The following CYP4V2 variants were observed in gnomAD, a reference collection of about 807,000 sequenced individuals.
CYP4V2 encodes the protein cytochrome P450 family 4 subfamily V member 2, also known as cytochrome P450 4V2.
Under a neutral mutation model 60.8 loss-of-function variants are expected in CYP4V2, and 55 were observed. The observed-to-expected ratio is 0.90, with a 90% confidence interval of 0.73 to 1.13. The LOEUF (loss-of-function observed/expected upper bound fraction) is 1.13. Among genes scored for constraint, CYP4V2 ranks in the 50% most tolerant of loss-of-function variants. The pLI is 0.00. For missense variants in CYP4V2, 675 were observed against 662.9 expected (o/e 1.02, Z -0.20); for synonymous variants, 239 against 236.8 (o/e 1.01, Z -0.08).
chr4:186,205,057 A>C (rs1421440642), intron 7 of CYP4V2, 143 bp from the exon 8 acceptor site: 2 of 804,196 alleles, frequency 2.5e-6, no homozygotes, highest in East Asian at 5.3e-5. Flanking sequence ...CACCGAGGCA[A>C]GGTGCTGCAC....
chr4:186,201,969 G>A (rs1736317975), intron 7 of CYP4V2: 1 of 152,472 alleles, frequency 6.6e-6, no homozygotes, highest in Non-Finnish European at 1.5e-5. Context: ...TCGTCCACAT[G>A]GGGCAGAGTG....
intron 1 of CYP4V2, among the ~76,000 whole-genome samples, chr4:186,192,691 A>G (rs1412927539): frequency 6.6e-6 from 1 of 152,196 alleles, no homozygotes; most frequent in Non-Finnish European, 1.5e-5. Context: ...TTATTGATGG[A>G]AAAAAATCAC....
intron 5 of CYP4V2, among the ~76,000 whole-genome samples, chr4:186,198,024 G>A (rs1004697703): frequency 1.3e-5 from 2 of 152,034 alleles, no homozygotes; most frequent in African/African-American, 2.4e-5. Flanking sequence ...TCCTTTTGTT[G>A]TTATTCTTCT....
At position 186,191,698 on chromosome 4, in the gene CYP4V2, C is replaced by CCCGCAGCGGGGAGCGCGCCAGGT; in HGVS notation, c.-121_-99dup. On this transcript the variant is annotated 5_prime_UTR_variant, in exon 1 of 11. Coordinates refer to ENST00000378802, the MANE Select transcript of CYP4V2 (RefSeq NM_207352.4). Reference sequence around the variant, plus strand: ...AACGTCGTTCCGGGGACCGGGCGACCCCGCAGCGGGGAGCGCGCCAGGTCC... The same window carrying CCCGCAGCGGGGAGCGCGCCAGGT: ...AACGTCGTTCCGGGGACCGGGCGACCCCGCAGCGGGGAGCGCGCCAGGTCCGCAGCGGGGAGCGCGCCAGGTCC... 1 of 935,660 alleles carries CCCGCAGCGGGGAGCGCGCCAGGT rather than the reference C, an allele frequency of 1.1e-6. No homozygotes were observed. Among genetic ancestry groups the CCCGCAGCGGGGAGCGCGCCAGGT allele is most frequent in the Non-Finnish European group, 1.4e-6 (1 of 722,244 alleles). The allele number at this position is 935,660 out of a possible 1,614,324, so 58.0% of individuals were successfully genotyped here. A position where few individuals can be genotyped will look rare whatever the true frequency, so the allele number is the denominator to read the frequency against.
At chr4:186,201,909 G>C (rs1736317248) in intron 7 of CYP4V2, 1 of 152,612 alleles carries the variant, frequency 6.6e-6, no homozygotes, top group Non-Finnish European at 1.5e-5. Context: ...TTCTCTATAT[G>C]TGGATTGCAA....
intron 5 of CYP4V2, among the ~76,000 whole-genome samples, chr4:186,197,879 GAT>G (rs1012565434): frequency 2.0e-5 from 3 of 152,112 alleles, no homozygotes; most frequent in African/African-American, 7.2e-5. Context: ...AGAAAAGAAA[GAT>G]ATAAACAGTT....
Position 186,205,282 on chromosome 4 carries a change from A to G in CYP4V2, c.1070A>G (p.His357Arg), listed in dbSNP as rs760501901. 3 of 1,614,230 alleles carry G rather than the reference A, an allele frequency of 1.9e-6. No homozygotes were observed. The highest frequency in any genetic ancestry group is 2.2e-5 in the South Asian group (2 of 91,092). ...CCAGAAGTCCAGAAAAAAGTGGATC[A>G]TGAATTGGATGACGTGTTTGGTATG... ...SNPEVQKKVD[H>R]ELDDVFGKSD... is the part of the protein sequence containing the mutation. Residue 357 changes from histidine (H) to arginine (R), a missense_variant, in exon 8 of 11, where the codon CAT becomes CGT. His to Arg is a conservative substitution (Grantham distance 29). Transcript: ENST00000378802.
chr4:186,207,587 T>C (rs201706705), intron 8 of CYP4V2, among the ~76,000 whole-genome samples: 1 of 58,322 alleles, frequency 1.7e-5, no homozygotes, highest in East Asian at 3.5e-4. Context: ...TAATTAATAA[T>C]TAATACTTTG....
Position 186,191,864 on chromosome 4 carries a change from T to C in CYP4V2, c.41T>C (p.Leu14Pro). Residue 14 changes from leucine to proline, a missense_variant, in exon 1 of 11, where the codon CTG becomes CCG. Coordinates refer to ENST00000378802, the MANE Select transcript of CYP4V2 (RefSeq NM_207352.4). The stretch of plus-strand genomic sequence containing the variant: ...CTGGGGCTCGTGTGGCAGAAGCTGC[T>C]GCTGTGGGGCGCGGCGAGTGCCCTT... The part of the protein sequence containing the change: ...LWLGLVWQKL[L>P]LWGAASALSL... 1 of 1,585,416 alleles carries C rather than the reference T, an allele frequency of 6.3e-7. No homozygotes were observed. Among genetic ancestry groups the C allele is most frequent in the Non-Finnish European group, 8.5e-7 (1 of 1,171,018 alleles).
At chr4:186,210,233 A>T (rs571155117) in intron 10 of CYP4V2, among the ~76,000 whole-genome samples, 1 of 152,318 alleles carries the variant, frequency 6.6e-6, no homozygotes, top group South Asian at 2.1e-4. Context: ...CTCAGGATTT[A>T]TCTGGATCAG....
At chr4:186,198,018 T>C (rs111253717) in intron 5 of CYP4V2, among the ~76,000 whole-genome samples, 441 of 152,348 alleles carry the variant, frequency 2.9e-3, no homozygotes, top group African/African-American at 0.01. Flanking sequence ...GTGCTTTCCT[T>C]TTGTTGTTAT....
At chr4:186,196,886 T>C (rs1736163263) in intron 3 of CYP4V2, 54 bp from the exon 4 acceptor site, 3 of 1,513,168 alleles carry the variant, frequency 2.0e-6, no homozygotes, top group Non-Finnish European at 2.7e-6. Flanking sequence ...ACTTTTCTCT[T>C]TCTCTCTCTC....
chr4:186,193,368 T>A (rs760045861), intron 1 of CYP4V2, among the ~76,000 whole-genome samples: 61 of 152,202 alleles, frequency 4.0e-4, no homozygotes, highest in Non-Finnish European at 7.5e-4. Context: ...CTGGACTATT[T>A]AAAGTAATTC....
chr4:186,204,226 ACG>A (rs1736411664), intron 7 of CYP4V2: 2 of 175,456 alleles, frequency 1.1e-5, no homozygotes, highest in African/African-American at 4.8e-5. Context: ...TGGAGACGTT[ACG>A]CTGGCGTAAG....
At chr4:186,208,784 G>A in intron 8 of CYP4V2, 81 bp from the exon 9 acceptor site, 14 of 1,593,766 alleles carry the variant, frequency 8.8e-6, no homozygotes, top group Middle Eastern at 1.7e-4. Flanking sequence ...GCCATGCCTT[G>A]ATCCACCTGT....
Position 186,191,873 on chromosome 4 carries a change from G to C in CYP4V2, c.50G>C (p.Gly17Ala). The C allele has an allele frequency of 6.3e-7, 1 of 1,587,716 alleles. No individual in the cohort carries two copies. Among genetic ancestry groups the C allele is most frequent in the Non-Finnish European group, 8.5e-7 (1 of 1,171,914 alleles). The change falls in exon 1 of 11, where the codon GGC becomes GCC. Residue 17 changes from glycine to alanine, a missense_variant. By Grantham distance (60) the Gly-to-Ala change is moderately conservative. Coordinates refer to ENST00000378802, the MANE Select transcript of CYP4V2 (RefSeq NM_207352.4). Reference protein sequence around the residue: ...GLVWQKLLLWGAASALSLAGA... With the variant: ...GLVWQKLLLWAAASALSLAGA... ...GTGTGGCAGAAGCTGCTGCTGTGGG[G>C]CGCGGCGAGTGCCCTTTCCCTGGCC...
intron 8 of CYP4V2, 33 bp downstream of exon 8, chr4:186,205,335 G>A (rs756564273): frequency 2.5e-6 from 4 of 1,582,248 alleles, no homozygotes; most frequent in East Asian, 2.2e-5. Context: ...TTATATTGTG[G>A]TACTAAGTCT....
Position 186,201,319 on chromosome 4 carries a change from G to T in CYP4V2, c.964G>T (p.Glu322Ter), listed in dbSNP as rs1736301291. The change falls in exon 7 of 11, where the codon GAA (glutamate) becomes TAA (stop). Residue 322 changes from glutamate to a stop codon, truncating the protein, a stop_gained. Coordinates refer to ENST00000378802, the MANE Select transcript of CYP4V2 (RefSeq NM_207352.4). LOFTEE classifies it high-confidence loss of function. ...NRLSHEDIRE[E>*]VDTFMFEGHD... ...GCTAAGTCATGAAGATATTCGAGAAGAAGTTGACACCTTCATGTTTGAGGT... is the reference window on the plus strand; with the variant it reads ...GCTAAGTCATGAAGATATTCGAGAATAAGTTGACACCTTCATGTTTGAGGT... 1 of 1,614,148 alleles carries T rather than the reference G, an allele frequency of 6.2e-7. No individual in the cohort carries two copies. The highest frequency in any genetic ancestry group is 8.5e-7 in the Non-Finnish European group (1 of 1,180,026).
At chr4:186,196,695 A>G (rs1398336593) in intron 3 of CYP4V2, 4 of 462,564 alleles carry the variant, frequency 8.6e-6, no homozygotes, top group Non-Finnish European at 1.5e-5. Context: ...TATGAATGCT[A>G]TTTTAAACAT....
Sources: allele counts gnomAD v4.1 joint callset (sites outside exome capture counted in the v4.1 genomes callset), GRCh38; gene constraint gnomAD v4.1.1; transcripts MANE v1.5; gene names NCBI Gene and HGNC (gene_info 2026-07-23, HGNC 2026-07-21).